Variants in THADA observed in about 807,000 individuals in gnomAD.
THADA encodes the protein tRNA (32-2'-O)-methyltransferase regulator THADA.
Under a neutral mutation model 219.8 loss-of-function variants are expected in THADA, and 213 were observed. The observed-to-expected ratio is 0.97, with a 90% CI of 0.87 to 1.09. The LOEUF (loss-of-function observed/expected upper bound fraction) is 1.09, where lower values mean the gene tolerates loss of function less well. THADA is among the 50% of genes least tolerant of loss of function. The pLI, the probability that THADA is intolerant of heterozygous loss-of-function variation, is 0.00. For missense variants in THADA, 2,956 were observed against 2,311.3 expected (o/e 1.28, Z -5.72); for synonymous variants, 1,018 against 828.9 (o/e 1.23, Z -3.92).
intron 36 of THADA, among the ~76,000 whole-genome samples, chr2:43,271,748 G>A (rs1572859700): frequency 2.6e-5 from 4 of 151,704 alleles, no homozygotes; most frequent in Admixed American, 2.0e-4. Context: ...CCGAGTAGCT[G>A]GGATTACAGG....
intron 31 of THADA, 122 bp from the exon 32 acceptor site, chr2:43,293,335 T>C: frequency 9.2e-7 from 1 of 1,087,518 alleles, no homozygotes; most frequent in Non-Finnish European, 1.3e-6. Context: ...TAAGCAGATT[T>C]CAAACACTGT....
chr2:43,311,564 T>C (rs1387668658), intron 31 of THADA, among the ~76,000 whole-genome samples: 1 of 152,150 alleles, frequency 6.6e-6, no homozygotes, highest in African/African-American at 2.4e-5. Flanking sequence ...AACTTGCCCA[T>C]GAATGCTCAT....
intron 29 of THADA, among the ~76,000 whole-genome samples, chr2:43,385,483 T>C (rs1024054011): frequency 3.9e-5 from 6 of 151,972 alleles, no homozygotes; most frequent in Non-Finnish European, 7.4e-5. Context: ...GGCGGATGCC[T>C]GCAGTCCCAG....
chr2:43,463,750 A>G (rs1683910859), intron 26 of THADA, among the ~76,000 whole-genome samples: 1 of 152,166 alleles, frequency 6.6e-6, no homozygotes, highest in East Asian at 1.9e-4. Context: ...AAAAATTTTT[A>G]TTCTTTTGAA....
intron 26 of THADA, among the ~76,000 whole-genome samples, chr2:43,483,687 T>A (rs1002431259): frequency 4.6e-5 from 7 of 151,854 alleles, no homozygotes; most frequent in African/African-American, 1.7e-4. Context: ...GCCCTATTCT[T>A]CCTCCCTCAG....
chr2:43,416,150 T>C (rs979849348), intron 28 of THADA, among the ~76,000 whole-genome samples: 7 of 152,202 alleles, frequency 4.6e-5, no homozygotes, highest in Non-Finnish European at 7.4e-5. Context: ...GGGATTCTCC[T>C]GGGAAAAAAA....
At chr2:43,363,686 C>T (rs1462813328) in intron 29 of THADA, among the ~76,000 whole-genome samples, 2 of 152,166 alleles carry the variant, frequency 1.3e-5, no homozygotes, top group African/African-American at 4.8e-5. Context: ...AGATACCCAC[C>T]AACAGGAGTA....
At chr2:43,539,250 G>A (rs1054545712) in intron 21 of THADA, among the ~76,000 whole-genome samples, 1 of 152,230 alleles carries the variant, frequency 6.6e-6, no homozygotes, top group Non-Finnish European at 1.5e-5. Context: ...CACAGATCTA[G>A]CTTTGCCAGG....
chr2:43,438,356 T>C (rs1456803520), intron 26 of THADA, among the ~76,000 whole-genome samples: 1 of 149,404 alleles, frequency 6.7e-6, no homozygotes. Flanking sequence ...TACCCTCAAA[T>C]TGGCAAAGAC....
intron 26 of THADA, among the ~76,000 whole-genome samples, chr2:43,444,733 G>T (rs1417750902): frequency 6.6e-6 from 1 of 152,090 alleles, no homozygotes; most frequent in Non-Finnish European, 1.5e-5. Context: ...AAAAAGGTGG[G>T]GGGGGAGGTA....
intron 29 of THADA, among the ~76,000 whole-genome samples, chr2:43,368,540 G>GT (rs1368561320): frequency 1.3e-5 from 2 of 151,906 alleles, no homozygotes; most frequent in East Asian, 3.9e-4. Context: ...GGAACTGCAG[G>GT]TGTGTGCCAG....
intron 26 of THADA, among the ~76,000 whole-genome samples, chr2:43,460,692 T>C (rs913645796): frequency 3.3e-5 from 5 of 151,856 alleles, no homozygotes; most frequent in African/African-American, 1.2e-4. Context: ...AAGACAGAAA[T>C]GAATGGGAAA....
chr2:43,503,394 A>G (rs530824218), intron 24 of THADA, among the ~76,000 whole-genome samples: 43 of 152,324 alleles, frequency 2.8e-4, no homozygotes, highest in African/African-American at 1.0e-3. Flanking sequence ...GGAGCTTACT[A>G]ATCTTAAAAT....
chr2:43,527,041 C>T (rs1180523910), intron 22 of THADA, among the ~76,000 whole-genome samples: 2 of 152,122 alleles, frequency 1.3e-5, no homozygotes, highest in Non-Finnish European at 2.9e-5. Flanking sequence ...ACATTCTGTG[C>T]AGCCCATAAC....
At chr2:43,393,484 G>T (rs1328201612) in intron 29 of THADA, among the ~76,000 whole-genome samples, 1 of 152,116 alleles carries the variant, frequency 6.6e-6, no homozygotes, top group Non-Finnish European at 1.5e-5. Flanking sequence ...AGGTTGGGGG[G>T]ATCACTTGAA....
intron 13 of THADA, among the ~76,000 whole-genome samples, chr2:43,570,725 C>G (rs1489354747): frequency 1.3e-5 from 2 of 152,206 alleles, no homozygotes; most frequent in East Asian, 3.8e-4. Flanking sequence ...AACCACAATT[C>G]TGTTTCCTTT....
chr2:43,548,820 C>T (rs1008691426), intron 20 of THADA, among the ~76,000 whole-genome samples: 7 of 152,254 alleles, frequency 4.6e-5, no homozygotes, highest in African/African-American at 1.4e-4. Context: ...CTTGCGCTTC[C>T]CAAGTGAGGC....
intron 36 of THADA, among the ~76,000 whole-genome samples, chr2:43,233,662 C>T (rs1425795948): frequency 6.6e-6 from 1 of 152,058 alleles, no homozygotes; most frequent in African/African-American, 2.4e-5. Context: ...TAGAAGGGTG[C>T]AGAAAGAGGA....
intron 34 of THADA, among the ~76,000 whole-genome samples, chr2:43,291,482 A>AAAAAAAAAAT (rs1674711254): frequency 7.0e-6 from 1 of 142,204 alleles, no homozygotes. Context: ...AAAAAAAAAA[A>AAAAAAAAAAT]TCCTAAAACA....
Sources: gnomAD v4.1 joint callset for allele counts (sites outside exome capture counted in the v4.1 genomes callset) on GRCh38, gnomAD v4.1.1 for gene constraint, MANE v1.5 for transcripts, NCBI Gene and HGNC (gene_info 2026-07-23, HGNC 2026-07-21) for gene names.